Variants in AOPEP observed in about 807,000 individuals in gnomAD.
AOPEP encodes aminopeptidase O (putative).
In AOPEP, 77 loss-of-function variants were observed where a neutral mutation model predicts 98.1. The observed-to-expected ratio is 0.78, with a 90% CI of 0.65 to 0.95. AOPEP has a LOEUF of 0.95. Ranked by LOEUF, AOPEP falls within the 40% of genes least tolerant of loss-of-function variation. The pLI is 0.00. For synonymous variants in AOPEP, 346 were observed against 365.3 expected, an observed-to-expected ratio of 0.95 and a Z score of 0.60; for missense variants, 1,024 against 1,024.7, an observed-to-expected ratio of 1.00 and a Z score of 0.01.
intron 5 of AOPEP, among the ~76,000 whole-genome samples, chr9:94,895,239 T>TTA (rs779310582): frequency 3.8e-4 from 44 of 116,172 alleles, no homozygotes; most frequent in Non-Finnish European, 5.6e-4. Context: ...TAAAATAAAA[T>TTA]AAAAAAAAAA....
the AOPEP span, chr9:95,149,953 A>T: frequency 6.2e-7 from 1 of 1,610,638 alleles, no homozygotes; most frequent in African/African-American, 1.3e-5. Flanking sequence ...AGCCTCAAAG[A>T]ACTCTGGCTG....
At chr9:94,774,459 T>G (rs2132916810) in intron 3 of AOPEP, among the ~76,000 whole-genome samples, 1 of 152,188 alleles carries the variant, frequency 6.6e-6, no homozygotes, top group East Asian at 1.9e-4. Flanking sequence ...GTATTTAAAA[T>G]CTATATGTTT....
chr9:94,891,281 T>C (rs2048850061), intron 5 of AOPEP, among the ~76,000 whole-genome samples: 1 of 152,242 alleles, frequency 6.6e-6, no homozygotes, highest in East Asian at 1.9e-4. Flanking sequence ...GATATATCTT[T>C]TTCTATCCTG....
At chr9:94,792,500 C>T (rs1056733861) in intron 3 of AOPEP, among the ~76,000 whole-genome samples, 1 of 151,932 alleles carries the variant, frequency 6.6e-6, no homozygotes, top group East Asian at 1.9e-4. Flanking sequence ...TGTGAGGGAC[C>T]CCCTGCACTA....
chr9:94,770,800 C>A (rs1222267679), intron 2 of AOPEP, among the ~76,000 whole-genome samples: 2 of 152,092 alleles, frequency 1.3e-5, no homozygotes, highest in Non-Finnish European at 2.9e-5. Context: ...AATAAGTGTA[C>A]TGCAACTGCC....
intron 6 of AOPEP, 104 bp from the exon 7 acceptor site, chr9:94,928,321 G>T (rs921949235): frequency 7.7e-6 from 6 of 783,982 alleles, no homozygotes; most frequent in Non-Finnish European, 1.2e-5. Context: ...GAGAGCAGGG[G>T]CAGGCTATCT....
the AOPEP span, chr9:95,107,409 AATTTACACTC>A: frequency 1.1e-6 from 1 of 894,980 alleles, no homozygotes; most frequent in Non-Finnish European, 1.8e-6. Context: ...GCAGCGGCCG[AATTTACACTC>A]GATTTCACAC....
rs886692910 is a variant in AOPEP, at chr9:94,930,641, A to T, written c.1661+2110A>T. ...AGAGAAAACCAGGGCACTAGGGGCC[A>T]TGGAAGCCAGAAAAGAAGCTGAGGC... On this transcript the variant is annotated intron_variant, in intron 7 of 16. Coordinates refer to ENST00000375315, the MANE Select transcript of AOPEP (RefSeq NM_001193329.3). The surrounding 1 kb of genome is among the most constrained non-coding windows in gnomAD (Gnocchi z 4.5). Among the ~76,000 whole-genome samples, 1 of 152,044 alleles carries T rather than the reference A, an allele frequency of 6.6e-6. No homozygotes were observed. Among genetic ancestry groups the T allele is most frequent in the South Asian group, 2.1e-4 (1 of 4,812 alleles).
chr9:95,035,873 A>G (rs2064773692), intron 13 of AOPEP, among the ~76,000 whole-genome samples: 1 of 151,802 alleles, frequency 6.6e-6, no homozygotes, highest in African/African-American at 2.4e-5. Flanking sequence ...CTTGCTTGTC[A>G]GTAAAAGCAG....
At chr9:94,756,376 C>A (rs553629288) in intron 1 of AOPEP, among the ~76,000 whole-genome samples, 1 of 151,654 alleles carries the variant, frequency 6.6e-6, no homozygotes, top group East Asian at 2.0e-4. Flanking sequence ...CCAGCCTGGG[C>A]AACATGGCAA....
chr9:94,918,317 C>T (rs1433261429), intron 5 of AOPEP, among the ~76,000 whole-genome samples: 1 of 152,186 alleles, frequency 6.6e-6, no homozygotes, highest in East Asian at 1.9e-4. Flanking sequence ...TCTTACCTTC[C>T]TTTCACTAGG....
At chr9:95,091,518 A>C (rs913929037), downstream of AOPEP, among the ~76,000 whole-genome samples, 3 of 152,280 alleles carry the variant, frequency 2.0e-5, no homozygotes, top group Non-Finnish European at 4.4e-5. Flanking sequence ...AGGGGCACGG[A>C]GACGGTGGCC....
the AOPEP span, chr9:95,135,690 G>A: frequency 1.7e-6 from 1 of 602,108 alleles, no homozygotes; most frequent in Non-Finnish European, 2.9e-6. Context: ...ATGTGAATAT[G>A]CTTCCACTTC....
chr9:95,010,276 A>T (rs1007322943), intron 13 of AOPEP, among the ~76,000 whole-genome samples: 1 of 152,218 alleles, frequency 6.6e-6, no homozygotes. Flanking sequence ...GGTATATTTT[A>T]TGTTCAGTTT....
chr9:95,102,933 A>G, the AOPEP span, among the ~76,000 whole-genome samples: 1 of 152,210 alleles, frequency 6.6e-6, no homozygotes, highest in East Asian at 1.9e-4. Context: ...GGGTCAGTGC[A>G]GCCAGCACGG....
At chr9:94,849,864 G>A (rs972376780) in intron 5 of AOPEP, among the ~76,000 whole-genome samples, 5 of 152,038 alleles carry the variant, frequency 3.3e-5, no homozygotes, top group Admixed American at 1.3e-4. Flanking sequence ...GCAAAACCCC[G>A]TGTGTACTAA....
At chr9:94,802,870 G>T (rs529168511) in intron 5 of AOPEP, among the ~76,000 whole-genome samples, 3 of 152,262 alleles carry the variant, frequency 2.0e-5, no homozygotes, top group Non-Finnish European at 2.9e-5. Flanking sequence ...ACTGCCAGGT[G>T]GGGTGGGGAA....
At chr9:95,137,350 C>T in the AOPEP span, among the ~76,000 whole-genome samples, 15 of 152,130 alleles carry the variant, frequency 9.9e-5, no homozygotes, top group South Asian at 2.1e-4. Flanking sequence ...GGGGAGACTG[C>T]GGAGGAGCTG....
the AOPEP span, among the ~76,000 whole-genome samples, chr9:95,102,710 C>G: frequency 6.6e-6 from 1 of 152,332 alleles, no homozygotes; most frequent in East Asian, 1.9e-4. Context: ...TTTACTGCCT[C>G]AGGTCCGACA....
Sources: allele counts gnomAD v4.1 joint callset (sites outside exome capture counted in the v4.1 genomes callset), GRCh38; gene constraint gnomAD v4.1.1; non-coding constraint Gnocchi (gnomAD v3.1); transcripts MANE v1.5; gene names NCBI Gene and HGNC (gene_info 2026-07-23, HGNC 2026-07-21).